TSPAN11: variants seen among roughly 807,000 people sequenced by gnomAD.
TSPAN11 encodes the protein tetraspanin-11.
TSPAN11 carries 29 observed loss-of-function variants against 32.9 expected under a neutral mutation model. That is an observed-to-expected ratio of 0.88 (90% CI 0.66 to 1.20). The LOEUF (loss-of-function observed/expected upper bound fraction) is 1.20, where lower values mean the gene tolerates loss of function less well. Ranked by LOEUF, TSPAN11 falls within the 50% of genes most tolerant of loss-of-function variation. The pLI, the probability that TSPAN11 is intolerant of heterozygous loss-of-function variation, is 0.00. For missense variants in TSPAN11, 283 were observed against 329.1 expected, an observed-to-expected ratio of 0.86 and a Z score of 1.08; for synonymous variants, 140 against 141.3, an observed-to-expected ratio of 0.99 and a Z score of 0.07.
At chr12:30,971,751 A>G (rs1446947708) in intron 3 of TSPAN11, among the ~76,000 whole-genome samples, 2 of 137,774 alleles carry the variant, frequency 1.5e-5, no homozygotes, top group African/African-American at 5.0e-5. Flanking sequence ...CCCTATCTCA[A>G]AAAAAAAAAG....
chr12:30,987,970 G>A (rs561630605), intron 7 of TSPAN11, among the ~76,000 whole-genome samples: 3 of 152,364 alleles, frequency 2.0e-5, no homozygotes, highest in South Asian at 4.1e-4. Context: ...CCCTTGCAGA[G>A]TACTAAACTC....
intron 5 of TSPAN11, among the ~76,000 whole-genome samples, chr12:30,981,659 T>C (rs1467461093): frequency 6.6e-6 from 1 of 152,222 alleles, no homozygotes; most frequent in African/African-American, 2.4e-5. Context: ...CTTCCTCCTC[T>C]GTGCCACACA....
intron 3 of TSPAN11, among the ~76,000 whole-genome samples, chr12:30,973,667 C>T (rs12372669): frequency 0.041 from 6,182 of 152,146 alleles, 188 homozygotes; most frequent in Middle Eastern, 0.092. Flanking sequence ...ATTGGTGGAG[C>T]GGGGGCCCTC....
chr12:31,010,349 T>C, the TSPAN11 span, among the ~76,000 whole-genome samples: 1 of 152,140 alleles, frequency 6.6e-6, no homozygotes, highest in African/African-American at 2.4e-5. Context: ...CACATTGACA[T>C]TAAATCACAA....
At chr12:30,991,596 T>C (rs1939313264) in intron 7 of TSPAN11, among the ~76,000 whole-genome samples, 1 of 152,126 alleles carries the variant, frequency 6.6e-6, no homozygotes, top group Non-Finnish European at 1.5e-5. Context: ...TTCATGCCCA[T>C]TAAAGTGTGC....
chr12:30,953,961 CAT>C lies in TSPAN11; in HGVS notation c.-11-17_-11-16del, dbSNP rs1938432203. ...GGTTCTCGGTGATTCCCCGGCCCAG[CAT>C]ATGTGTCTTCTCTGCAGGCCCAGAA... On this transcript the variant is annotated intron_variant, in intron 1 of 7. Coordinates refer to ENST00000546076, the MANE Select transcript of TSPAN11 (RefSeq NM_001370302.1). 6.3e-7 allele frequency: 1 copy of C among 1,589,924 alleles called. No individual in the cohort carries two copies. The highest frequency in any genetic ancestry group is 2.2e-5 in the East Asian group (1 of 44,740).
chr12:30,957,228 A>ACCCCCCCCCC (rs56296744), intron 2 of TSPAN11, among the ~76,000 whole-genome samples: 16 of 107,468 alleles, frequency 1.5e-4, no homozygotes, highest in East Asian at 2.6e-4. Flanking sequence ...ATGGCCTGGG[A>ACCCCCCCCCC]CCCCCCCCCC....
At chr12:30,976,475 T>C (rs577343987) in intron 3 of TSPAN11, among the ~76,000 whole-genome samples, 1 of 152,222 alleles carries the variant, frequency 6.6e-6, no homozygotes, top group South Asian at 2.1e-4. Context: ...TCCTCAGTGT[T>C]TGGGCCCTGC....
chr12:30,989,801 A>G (rs1185900495), intron 7 of TSPAN11, among the ~76,000 whole-genome samples: 3 of 152,220 alleles, frequency 2.0e-5, no homozygotes, highest in Non-Finnish European at 4.4e-5. Flanking sequence ...GCTGACAGCC[A>G]GGTGCTGACT....
intron 3 of TSPAN11, among the ~76,000 whole-genome samples, chr12:30,977,133 T>A (rs1938990375): frequency 6.6e-6 from 1 of 152,242 alleles, no homozygotes; most frequent in East Asian, 1.9e-4. Flanking sequence ...ACCACAGTTC[T>A]TTTCCTGTGA....
chr12:30,950,894 A>G (rs1938367968), intron 1 of TSPAN11, among the ~76,000 whole-genome samples: 1 of 152,238 alleles, frequency 6.6e-6, no homozygotes, highest in South Asian at 2.1e-4. Flanking sequence ...GCATTTATTA[A>G]TGATTAAGAA....
chr12:30,941,976 T>C (rs1490340901), intron 1 of TSPAN11, among the ~76,000 whole-genome samples: 4 of 152,236 alleles, frequency 2.6e-5, no homozygotes, highest in Non-Finnish European at 5.9e-5. Context: ...ACTGAGGTCT[T>C]GGTTTTCTCC....
At chr12:30,982,970 A>T (rs888473) in intron 6 of TSPAN11, 94 bp from the exon 7 acceptor site, 933,140 of 1,357,258 alleles carry the variant, frequency 0.69, 322,736 homozygotes, top group Admixed American at 0.76. Context: ...TCCTCTGGCC[A>T]GTCCTCAGCC....
At chr12:30,957,228 ACCC>A (rs56296744) in intron 2 of TSPAN11, among the ~76,000 whole-genome samples, 10,852 of 107,612 alleles carry the variant, frequency 0.1, 707 homozygotes, top group East Asian at 0.3. Flanking sequence ...ATGGCCTGGG[ACCC>A]CCCCCCCCCC....
At chr12:31,014,192 A>T in the TSPAN11 span, among the ~76,000 whole-genome samples, 5 of 152,198 alleles carry the variant, frequency 3.3e-5, no homozygotes, top group African/African-American at 1.2e-4. Flanking sequence ...TAAGCATCAA[A>T]ATCAATCGTA....
chr12:30,953,832 G>T, intron 1 of TSPAN11, 149 bp from the exon 2 acceptor site: 1 of 602,290 alleles, frequency 1.7e-6, no homozygotes, highest in Non-Finnish European at 2.9e-6. Context: ...CCACATCTTT[G>T]CTCCATGCTG....
intron 3 of TSPAN11, among the ~76,000 whole-genome samples, chr12:30,977,382 G>A (rs982485639): frequency 6.6e-6 from 1 of 152,198 alleles, no homozygotes; most frequent in Non-Finnish European, 1.5e-5. Flanking sequence ...CACAGGCTGG[G>A]CCTTCCCTAG....
chr12:30,964,930 C>T (rs1426390098), intron 3 of TSPAN11, among the ~76,000 whole-genome samples: 1 of 152,164 alleles, frequency 6.6e-6, no homozygotes, highest in African/African-American at 2.4e-5. Context: ...AGCTCTTTTT[C>T]AGCAGGTGGG....
At chr12:30,982,944 G>T in intron 6 of TSPAN11, 120 bp from the exon 7 acceptor site, 1 of 1,196,822 alleles carries the variant, frequency 8.4e-7, no homozygotes, top group South Asian at 1.3e-5. Flanking sequence ...ATTCAAGGTT[G>T]GGTCCAGCCT....
Sources: allele counts gnomAD v4.1 joint callset (sites outside exome capture counted in the v4.1 genomes callset), GRCh38; gene constraint gnomAD v4.1.1; transcripts MANE v1.5; gene names NCBI Gene and HGNC (gene_info 2026-07-23, HGNC 2026-07-21).